The following RALGAPA1 variants were observed in gnomAD, a reference collection of about 807,000 sequenced individuals.
RALGAPA1 encodes the protein Ral GTPase activating protein catalytic subunit alpha 1.
A neutral mutation model predicts 269.6 loss-of-function variants in RALGAPA1; 52 were observed. The observed-to-expected ratio is 0.19, with a 90% CI of 0.15 to 0.24. The LOEUF is 0.24. Ranked by LOEUF, RALGAPA1 falls within the 10% of genes least tolerant of loss-of-function variation. The pLI, the probability that RALGAPA1 is intolerant of heterozygous loss-of-function variation, is 1.00. For missense variants in RALGAPA1, 1,917 were observed against 3,013.9 expected, an observed-to-expected ratio of 0.64 and a Z score of 8.52; for synonymous variants, 817 against 1,008.3, an observed-to-expected ratio of 0.81 and a Z score of 3.60.
intron 31 of RALGAPA1, among the ~76,000 whole-genome samples, chr14:35,651,295 AAAGT>A (rs1016581339): frequency 2.0e-5 from 3 of 152,154 alleles, no homozygotes; most frequent in African/African-American, 7.2e-5. Flanking sequence ...AACAAAACAA[AAAGT>A]AACTCTAGAA....
chr14:35,696,972 A>G (rs913555249), intron 17 of RALGAPA1, among the ~76,000 whole-genome samples: 3 of 152,214 alleles, frequency 2.0e-5, no homozygotes, highest in Non-Finnish European at 4.4e-5. Flanking sequence ...CAGCAATTAA[A>G]AAGTATGATT....
Position 35,689,116 on chromosome 14 carries a change from G to T in RALGAPA1, c.3295C>A (p.Arg1099Ser), listed in dbSNP as rs557735632. ...NEKITVPHVM[R>S]AKKATLKAPV... The stretch of plus-strand genomic sequence containing the variant: ...GCTTTTAGTGTTGCTTTCTTGGCAC[G>T]CATAACATGTGGGACAGTGATTTTT... The change falls in exon 18 of 42, where the codon CGT (arginine) becomes AGT (serine). Residue 1099 changes from arginine to serine, a missense_variant. Around this residue, in one of 11 missense-constraint regions of RALGAPA1, gnomAD observed 615 missense variants for 790.0 expected, o/e 0.78. Coordinates refer to ENST00000680220, the MANE Select transcript of RALGAPA1 (RefSeq NM_001346249.2). 8.1e-7 allele frequency: 1 copy of T among 1,235,396 alleles called. No individual in the cohort carries two copies. The highest frequency in any genetic ancestry group is 1.0e-6 in the Non-Finnish European group (1 of 990,048). 76.5% of individuals were successfully genotyped at this position (1,235,396 alleles called of 1,614,324 possible). A position where few individuals can be genotyped will look rare whatever the true frequency, so the allele number is the denominator to read the frequency against.
Position 35,688,636 on chromosome 14 carries a change from TTGA to T in RALGAPA1, c.3772_3774del (p.Ser1259del), listed in dbSNP as rs749333713. On this transcript the variant is annotated inframe_deletion, in exon 18 of 42. Transcript: ENST00000680220. ...CCCTGCTGTAGTCCTGCCTCATGAC[TTGA>T]TGACCTAAGAGTACTACGACTACCT... 5.9e-6 allele frequency: 9 copies of T among 1,533,190 alleles called. No individual in the cohort carries two copies. Among genetic ancestry groups the T allele is most frequent in the East Asian group, 2.4e-5 (1 of 40,936 alleles). The allele number at this position is 1,533,190 out of a possible 1,614,324, so 95.0% of individuals were successfully genotyped here.
At chr14:35,657,192 CTTT>C (rs1322013761) in intron 28 of RALGAPA1, among the ~76,000 whole-genome samples, 2 of 144,028 alleles carry the variant, frequency 1.4e-5, no homozygotes, top group African/African-American at 2.5e-5. Context: ...TTTCTTTTTT[CTTT>C]TTTTTTTTTG....
intron 16 of RALGAPA1, among the ~76,000 whole-genome samples, chr14:35,711,853 T>G (rs972398910): frequency 1.3e-5 from 2 of 152,190 alleles, no homozygotes; most frequent in Admixed American, 6.5e-5. Flanking sequence ...CTCCTTCTCA[T>G]CCCTTAAAAT....
At chr14:35,722,613 G>GAA (rs534894396) in intron 15 of RALGAPA1, among the ~76,000 whole-genome samples, 2 of 114,062 alleles carry the variant, frequency 1.8e-5, no homozygotes, top group African/African-American at 6.4e-5. Context: ...CCCTGTCTCA[G>GAA]AAAAAAAAAA....
chr14:35,752,941 G>A (rs1456111686), intron 7 of RALGAPA1, among the ~76,000 whole-genome samples: 1 of 152,116 alleles, frequency 6.6e-6, no homozygotes, highest in Admixed American at 6.6e-5. Context: ...TGAACCCTGT[G>A]GTACTAGACT....
At chr14:35,584,265 T>C (rs768290544) in intron 37 of RALGAPA1, among the ~76,000 whole-genome samples, 1 of 152,018 alleles carries the variant, frequency 6.6e-6, no homozygotes, top group Non-Finnish European at 1.5e-5. Context: ...ATAAGCAGTA[T>C]AGAATAATTT....
At chr14:35,695,826 T>G (rs911646471) in intron 17 of RALGAPA1, among the ~76,000 whole-genome samples, 2 of 152,204 alleles carry the variant, frequency 1.3e-5, no homozygotes, top group African/African-American at 4.8e-5. Flanking sequence ...TCTTATCTGT[T>G]TATCAGGAAA....
chr14:35,542,915 T>A (rs572808527), intron 41 of RALGAPA1, among the ~76,000 whole-genome samples: 1 of 152,362 alleles, frequency 6.6e-6, no homozygotes, highest in Non-Finnish European at 1.5e-5. Flanking sequence ...ATAGGGATTA[T>A]AAGAGGGAGC....
chr14:35,624,208 TAAAA>T (rs780017500), intron 35 of RALGAPA1, among the ~76,000 whole-genome samples: 1 of 87,114 alleles, frequency 1.1e-5, no homozygotes, highest in Non-Finnish European at 2.3e-5. Flanking sequence ...TCCAGTTCCG[TAAAA>T]AAAAAAAAAA....
intron 38 of RALGAPA1, among the ~76,000 whole-genome samples, chr14:35,572,282 A>T (rs2057263107): frequency 6.6e-6 from 1 of 152,200 alleles, no homozygotes. Flanking sequence ...TCTTAATAAA[A>T]GGTAAGTCCT....
chr14:35,656,036 T>G (rs1410597714), intron 28 of RALGAPA1, 121 bp from the exon 29 acceptor site: 6 of 1,516,536 alleles, frequency 4.0e-6, no homozygotes, highest in Non-Finnish European at 5.3e-6. Context: ...AATTTGTTAC[T>G]CTATACATTA....
intron 32 of RALGAPA1, among the ~76,000 whole-genome samples, 185 bp downstream of exon 32, chr14:35,635,279 T>A (rs2061598414): frequency 6.6e-6 from 1 of 152,212 alleles, no homozygotes; most frequent in Admixed American, 6.5e-5. Context: ...CTCAAAATTT[T>A]GCAATGAAAC....
rs530423924 is a variant in RALGAPA1, at chr14:35,567,836, C to T, written c.7496+2781G>A. ...TTGCATTACAATCTAATTGATCTCA[C>T]CACTTTCCAAAAAGACCTAAGACAT... is the stretch of plus-strand genomic sequence containing the variant. On this transcript the variant is annotated intron_variant, in intron 39 of 41. Transcript: ENST00000680220. Among the ~76,000 whole-genome samples the T allele has an allele frequency of 9.2e-5, 14 of 152,208 alleles. No homozygotes were observed. The South Asian group carries it at 2.9e-3, about 32-fold the overall frequency.
Position 35,723,282 on chromosome 14 carries a change from A to C in RALGAPA1, c.1867-18T>G. 2 of 1,379,542 alleles carry C rather than the reference A, an allele frequency of 1.4e-6. No individual in the cohort carries two copies. The highest frequency in any genetic ancestry group is 2.0e-6 in the Non-Finnish European group (2 of 984,334). 85.5% of individuals were successfully genotyped at this position (1,379,542 alleles called of 1,614,324 possible). A position where few individuals can be genotyped will look rare whatever the true frequency, so the allele number is the denominator to read the frequency against. On this transcript the variant is annotated intron_variant, in intron 14 of 41. Transcript: ENST00000680220. ...ATAAGGGTCTATAAAGACAAATATC[A>C]GAAATAACAATAAAATGTGTTTAGT...
At chr14:35,693,390 T>G (rs1471966010) in intron 17 of RALGAPA1, among the ~76,000 whole-genome samples, 1 of 151,854 alleles carries the variant, frequency 6.6e-6, no homozygotes, top group East Asian at 1.9e-4. Flanking sequence ...GCATCAGGTT[T>G]AAATAAAAAT....
chr14:35,804,880 G>A (rs973972347), intron 1 of RALGAPA1, among the ~76,000 whole-genome samples: 4 of 152,082 alleles, frequency 2.6e-5, no homozygotes, highest in Admixed American at 6.6e-5. Flanking sequence ...AATGAGCCAC[G>A]TTTGCAACAC....
intron 34 of RALGAPA1, 141 bp downstream of exon 34, chr14:35,626,949 A>G: frequency 1.2e-6 from 1 of 802,946 alleles, no homozygotes; most frequent in Non-Finnish European, 1.8e-6. Context: ...GTCTCAAAAA[A>G]AAATCTGCAA....
Sources: allele counts gnomAD v4.1 joint callset (sites outside exome capture counted in the v4.1 genomes callset), GRCh38; gene constraint gnomAD v4.1.1; regional missense constraint gnomAD v4.1.1; transcripts MANE v1.5; gene names NCBI Gene and HGNC (gene_info 2026-07-23, HGNC 2026-07-21).